Variants in TRPC5 observed in about 807,000 individuals in gnomAD.
TRPC5 encodes the protein transient receptor potential cation channel subfamily C member 5, also known as short transient receptor potential channel 5.
Under a neutral mutation model 56.5 loss-of-function variants are expected in TRPC5, and 9 were observed. The observed-to-expected ratio is 0.16, with a 90% CI of 0.10 to 0.28. The LOEUF is 0.28. Ranked by LOEUF, TRPC5 falls within the 10% of genes least tolerant of loss-of-function variation. The probability of loss-of-function intolerance (pLI) is 1.00; values close to 1 mark genes in which losing one functional copy is unlikely to be tolerated. For synonymous variants in TRPC5, 282 were observed against 278.5 expected (o/e 1.01, Z -0.13); for missense variants, 469 against 748.9 (o/e 0.63, Z 4.36).
At position 111,980,924 on chromosome X, in the gene TRPC5, TACACAC is replaced by T. The variant is rs112411131; in HGVS notation, c.-21-28489_-21-28484del. 2.9e-5 allele frequency among the ~76,000 whole-genome samples: 3 copies of T among 101,712 alleles called. 1 individual carries two copies. Among genetic ancestry groups the T allele is most frequent in the African/African-American group, 1.1e-4 (3 of 27,940 alleles). The allele number at this position is 101,712 out of a possible 115,157, so 88.3% of individuals were successfully genotyped here. A position where few individuals can be genotyped will look rare whatever the true frequency, so the allele number is the denominator to read the frequency against. ...TATTATATATATGTATATATATATA[TACACAC>T]ACACACACACACACATCCTGTTGGT... On this transcript the variant is annotated intron_variant, in intron 1 of 10. Transcript: ENST00000262839.
intron 6 of TRPC5, among the ~76,000 whole-genome samples, chrX:111,844,309 AC>A (rs775122633): frequency 1.8e-5 from 2 of 110,879 alleles, no homozygotes; most frequent in Non-Finnish European, 3.8e-5. Flanking sequence ...GCTTCTCTTG[AC>A]AGCAGGTGAA....
chrX:111,820,593 A>G (rs1462571402), intron 7 of TRPC5, among the ~76,000 whole-genome samples: 2 of 112,155 alleles, frequency 1.8e-5, no homozygotes, highest in Non-Finnish European at 3.8e-5. Context: ...TGTACTGCCT[A>G]TGACCGATTT....
chrX:112,071,285 G>A (rs1439912622), intron 1 of TRPC5, among the ~76,000 whole-genome samples: 4 of 109,031 alleles, frequency 3.7e-5, no homozygotes, highest in Admixed American at 9.8e-5. Context: ...TCCAGCCTGG[G>A]TGGCAGATTG....
chrX:111,805,792 C>T (rs1000718939), intron 7 of TRPC5, among the ~76,000 whole-genome samples: 2 of 110,790 alleles, frequency 1.8e-5, no homozygotes, highest in African/African-American at 6.6e-5. Flanking sequence ...CCCACCTCAA[C>T]CTCCTGAGTA....
chrX:111,925,050 G>A (rs1301069146), intron 2 of TRPC5, among the ~76,000 whole-genome samples: 2 of 112,906 alleles, frequency 1.8e-5, no homozygotes, highest in African/African-American at 3.2e-5. Flanking sequence ...GGACAATTAT[G>A]TAGGACAGTT....
chrX:111,827,727 G>A (rs1922283245), intron 7 of TRPC5, among the ~76,000 whole-genome samples: 1 of 111,674 alleles, frequency 9.0e-6, no homozygotes, highest in Non-Finnish European at 1.9e-5. Flanking sequence ...TGGTCTCTCT[G>A]TATTTGCCCC....
At chrX:111,809,909 T>G (rs1026209876) in intron 7 of TRPC5, among the ~76,000 whole-genome samples, 36 of 109,248 alleles carry the variant, frequency 3.3e-4, no homozygotes, top group African/African-American at 1.1e-3. Flanking sequence ...TGTTGTTGTT[T>G]TTGTTTTGTT....
At chrX:111,813,068 T>C (rs1216648330) in intron 7 of TRPC5, among the ~76,000 whole-genome samples, 1 of 112,032 alleles carries the variant, frequency 8.9e-6, no homozygotes, top group Non-Finnish European at 1.9e-5. Context: ...TTGGTAGTGA[T>C]GCCCTTTTCT....
In TRPC5 at chrX:112,034,074, ACTTATT is replaced by A. The variant is rs1462716971; in HGVS notation, c.-22+47799_-22+47804del. ...AAAACAGAAAATGTGAGCACACGAA[ACTTATT>A]CTTATTTTTTAAGATTGTTTTGACA... On this transcript the variant is annotated intron_variant, in intron 1 of 10. Coordinates refer to ENST00000262839, the MANE Select transcript of TRPC5 (RefSeq NM_012471.3). Among the ~76,000 whole-genome samples, 4 of 111,720 alleles carry A rather than the reference ACTTATT, an allele frequency of 3.6e-5. No individual in the cohort carries two copies. The East Asian group carries it at 8.4e-4, about 23-fold the overall frequency.
intron 3 of TRPC5, among the ~76,000 whole-genome samples, chrX:111,874,538 G>T (rs60507185): frequency 0.13 from 14,643 of 111,608 alleles, 2,272 homozygotes; most frequent in African/African-American, 0.44. Flanking sequence ...TAAAATGACT[G>T]TCTGAGAAGT....
At chrX:111,783,074 T>C (rs1945933653) in intron 7 of TRPC5, among the ~76,000 whole-genome samples, 1 of 112,122 alleles carries the variant, frequency 8.9e-6, no homozygotes, top group Admixed American at 9.5e-5. Context: ...CCTTTTAAGA[T>C]TGGCTCATTT....
At chrX:111,967,585 A>G (rs1373896761) in intron 1 of TRPC5, among the ~76,000 whole-genome samples, 2 of 112,147 alleles carry the variant, frequency 1.8e-5, no homozygotes, top group Non-Finnish European at 3.8e-5. Context: ...CTACAAGGCT[A>G]CAGTAATCAA....
At chrX:112,039,115 G>A (rs1195000811) in intron 1 of TRPC5, among the ~76,000 whole-genome samples, 1 of 111,124 alleles carries the variant, frequency 9.0e-6, no homozygotes, top group Non-Finnish European at 1.9e-5. Flanking sequence ...ATTGTTGTAA[G>A]GTAAGGTTCA....
chrX:112,049,432 T>TACACAC (rs762624712), intron 1 of TRPC5, among the ~76,000 whole-genome samples: 6 of 104,208 alleles, frequency 5.8e-5, no homozygotes, highest in African/African-American at 1.7e-4. Flanking sequence ...CGCATATATA[T>TACACAC]ACACACACAC....
At chrX:111,928,547 T>C (rs956002533) in intron 2 of TRPC5, among the ~76,000 whole-genome samples, 9 of 112,004 alleles carry the variant, frequency 8.0e-5, no homozygotes, top group Non-Finnish European at 1.7e-4. Context: ...GCATTGTCAA[T>C]AGTGCAGTCT....
intron 1 of TRPC5, among the ~76,000 whole-genome samples, chrX:112,064,245 A>T (rs1392152381): frequency 8.9e-6 from 1 of 111,892 alleles, no homozygotes; most frequent in Non-Finnish European, 1.9e-5. Flanking sequence ...GATCCTCACA[A>T]CTTTCTTGCT....
rs950033429 is a variant in TRPC5 at position 112,062,362 on chromosome X, C to A, written c.-22+19517G>T. 1.3e-4 allele frequency among the ~76,000 whole-genome samples: 14 copies of A among 111,210 alleles called. No individual in the cohort carries two copies. The East Asian group carries it at 2.2e-3, about 18-fold the overall frequency. On this transcript the variant is annotated intron_variant, in intron 1 of 10. Coordinates refer to ENST00000262839, the MANE Select transcript of TRPC5 (RefSeq NM_012471.3). ...TACTTGGGTACAAAAAACATTAAGA[C>A]AAAAAAATGGCTAATAATTATATAA...
intron 1 of TRPC5, among the ~76,000 whole-genome samples, chrX:112,007,944 G>T (rs1603142812): frequency 9.0e-6 from 1 of 111,638 alleles, no homozygotes; most frequent in South Asian, 3.8e-4. Flanking sequence ...GAGTTAAGGG[G>T]AGAGGAATTT....
intron 1 of TRPC5, among the ~76,000 whole-genome samples, chrX:111,976,966 C>A (rs1241755150): frequency 9.0e-6 from 1 of 110,906 alleles, no homozygotes; most frequent in Non-Finnish European, 1.9e-5. Context: ...CACTGAAAAT[C>A]ATAAAATATT....
Sources: gnomAD v4.1 joint callset for allele counts (sites outside exome capture counted in the v4.1 genomes callset) on GRCh38, gnomAD v4.1.1 for gene constraint, MANE v1.5 for transcripts, NCBI Gene and HGNC (gene_info 2026-07-23, HGNC 2026-07-21) for gene names.